PSD3: variants seen among roughly 807,000 people sequenced by gnomAD.
PSD3 encodes PH and SEC7 domain-containing protein 3.
PSD3 carries 49 observed loss-of-function variants against 105.5 expected under a neutral mutation model. That is an observed-to-expected ratio of 0.46 (90% CI 0.37 to 0.59). PSD3 has a LOEUF of 0.59. PSD3 is among the 20% of genes least tolerant of loss of function. The pLI is 0.00. For synonymous variants in PSD3, 557 were observed against 457.8 expected (o/e 1.22, Z -2.77); for missense variants, 1,561 against 1,263.8 (o/e 1.24, Z -3.57).
intron 9 of PSD3, among the ~76,000 whole-genome samples, chr8:18,701,031 A>G (rs1484333805): frequency 6.6e-6 from 1 of 152,112 alleles, no homozygotes; most frequent in African/African-American, 2.4e-5. Flanking sequence ...CAGTGTTGTG[A>G]TCATGGCTCA....
chr8:18,982,580 T>C (rs1208325110), intron 1 of PSD3, among the ~76,000 whole-genome samples: 3 of 152,198 alleles, frequency 2.0e-5, no homozygotes, highest in African/African-American at 7.2e-5. Context: ...CCTTGAGTCA[T>C]TGGTTGCAGA....
chr8:18,700,202 G>A (rs1378023137), intron 9 of PSD3, among the ~76,000 whole-genome samples: 2 of 152,068 alleles, frequency 1.3e-5, no homozygotes, highest in Middle Eastern at 3.2e-3. Flanking sequence ...ACCAAACCCA[G>A]ACAATAATGC....
chr8:18,868,941 T>C (rs551591390), intron 3 of PSD3, among the ~76,000 whole-genome samples: 1 of 152,288 alleles, frequency 6.6e-6, no homozygotes, highest in South Asian at 2.1e-4. Context: ...CTCAGATTCC[T>C]ACAAATAGGA....
At chr8:18,829,054 C>G (rs1382452355) in intron 4 of PSD3, among the ~76,000 whole-genome samples, 1 of 152,002 alleles carries the variant, frequency 6.6e-6, no homozygotes, top group Non-Finnish European at 1.5e-5. Flanking sequence ...GCCTGGGCGA[C>G]AGAGTGAGAC....
At chr8:18,725,805 A>C (rs1803299949) in intron 9 of PSD3, among the ~76,000 whole-genome samples, 1 of 152,170 alleles carries the variant, frequency 6.6e-6, no homozygotes, top group African/African-American at 2.4e-5. Flanking sequence ...ACTCTAGGCA[A>C]CTCCCGAAGA....
intron 11 of PSD3, among the ~76,000 whole-genome samples, chr8:18,605,581 G>A (rs1804765962): frequency 2.0e-5 from 3 of 152,124 alleles, no homozygotes; most frequent in South Asian, 2.1e-4. Context: ...CGTTGGGAAG[G>A]CATGATTGTA....
chr8:18,863,095 A>G (rs912406111), intron 4 of PSD3, among the ~76,000 whole-genome samples: 2 of 152,196 alleles, frequency 1.3e-5, no homozygotes, highest in African/African-American at 4.8e-5. Flanking sequence ...GGTTATTTCA[A>G]AAAGCAGCTT....
At chr8:18,991,089 A>G (rs1220006913) in intron 1 of PSD3, among the ~76,000 whole-genome samples, 1 of 152,168 alleles carries the variant, frequency 6.6e-6, no homozygotes, top group Non-Finnish European at 1.5e-5. Context: ...ATGGGGCACC[A>G]GAAACACGGG....
At chr8:18,938,707 ACTGTT>A (rs1822323135) in intron 1 of PSD3, among the ~76,000 whole-genome samples, 1 of 152,088 alleles carries the variant, frequency 6.6e-6, no homozygotes, top group African/African-American at 2.4e-5. Flanking sequence ...TGTGCCAGGC[ACTGTT>A]CTAATGTAAT....
intron 1 of PSD3, among the ~76,000 whole-genome samples, chr8:19,021,562 A>C (rs1426915): frequency 0.29 from 44,129 of 150,968 alleles, 7,636 homozygotes; most frequent in East Asian, 0.4. Context: ...TTGTTACAAA[A>C]AAAAAAAAAA....
chr8:18,634,807 C>G (rs1807143411), intron 10 of PSD3, among the ~76,000 whole-genome samples: 1 of 152,076 alleles, frequency 6.6e-6, no homozygotes, highest in Non-Finnish European at 1.5e-5. Flanking sequence ...AGTTTTATTA[C>G]TTGTTAGAAT....
chr8:18,579,133 C>CACACACACAA (rs1371363356), intron 12 of PSD3, among the ~76,000 whole-genome samples: 2 of 146,160 alleles, frequency 1.4e-5, no homozygotes, highest in Non-Finnish European at 3.0e-5. Flanking sequence ...CACACACACA[C>CACACACACAA]AAAGGGCAAA....
rs149617984 is a variant in PSD3 at position 19,058,323 on chromosome 8, T to C, written c.324+25883A>G. ...TATAAGTATAAAGGGATAGCATTAA[T>C]GAGTTGTTTTGGGTGATATAACAGT... On this transcript the variant is annotated intron_variant, in intron 1 of 1. Transcript: ENST00000521475. Among the ~76,000 whole-genome samples the C allele has an allele frequency of 1.2e-3, 175 of 151,800 alleles. 1 individual carries two copies. In the Middle Eastern group the frequency reaches 0.014, roughly 12 times the overall value.
chr8:18,971,342 C>T (rs530523612), intron 1 of PSD3, among the ~76,000 whole-genome samples: 1 of 152,208 alleles, frequency 6.6e-6, no homozygotes, highest in African/African-American at 2.4e-5. Context: ...TCACTGCAGC[C>T]ACCACGGCCT....
intron 1 of PSD3, among the ~76,000 whole-genome samples, chr8:19,046,711 G>A (rs1828331947): frequency 6.6e-6 from 1 of 152,194 alleles, no homozygotes; most frequent in Non-Finnish European, 1.5e-5. Flanking sequence ...AGCTCCAGAT[G>A]CCAATCCTTT....
intron 9 of PSD3, among the ~76,000 whole-genome samples, chr8:18,712,789 C>A (rs1329046944): frequency 6.6e-6 from 1 of 152,122 alleles, no homozygotes; most frequent in Non-Finnish European, 1.5e-5. Flanking sequence ...CGTTATGAGG[C>A]CAGCATCATC....
intron 2 of PSD3, among the ~76,000 whole-genome samples, chr8:18,933,896 A>G (rs1821906773): frequency 6.6e-6 from 1 of 152,214 alleles, no homozygotes; most frequent in Non-Finnish European, 1.5e-5. Context: ...TGCATGACAA[A>G]CAGCATAAAT....
At chr8:18,636,897 T>C (rs115569245) in intron 10 of PSD3, among the ~76,000 whole-genome samples, 1,674 of 152,330 alleles carry the variant, frequency 0.011, 30 homozygotes, top group African/African-American at 0.038. Flanking sequence ...TATGAAGTGA[T>C]GTATGACTGT....
intron 1 of PSD3, among the ~76,000 whole-genome samples, chr8:18,997,631 GC>G (rs556829309): frequency 1.3e-5 from 2 of 151,978 alleles, no homozygotes; most frequent in Non-Finnish European, 2.9e-5. Flanking sequence ...TAGCAACAAG[GC>G]CCCACAGGAC....
Sources: gnomAD v4.1 joint callset for allele counts (sites outside exome capture counted in the v4.1 genomes callset) on GRCh38, gnomAD v4.1.1 for gene constraint, MANE v1.5 for transcripts, NCBI Gene and HGNC (gene_info 2026-07-23, HGNC 2026-07-21) for gene names.